EGR2: variants seen among roughly 807,000 people sequenced by gnomAD.
EGR2 encodes the protein early growth response 2.
Under a neutral mutation model 21.2 loss-of-function variants are expected in EGR2, and 2 were observed. The ratio of observed to expected loss-of-function variants is 0.09; its 90% CI spans 0.04 to 0.30. The LOEUF is 0.30. Among genes scored for constraint, EGR2 ranks in the 10% least tolerant of loss-of-function variants. The probability of loss-of-function intolerance (pLI) is 1.00; values close to 1 mark genes in which losing one functional copy is unlikely to be tolerated. For missense variants in EGR2, 458 were observed against 630.2 expected (o/e 0.73, Z 2.93); for synonymous variants, 282 against 258.2 (o/e 1.09, Z -0.88).
At chr10:62,816,415 G>C (rs1438045828), upstream of EGR2, 1 of 1,173,616 alleles carries the variant, frequency 8.5e-7, no homozygotes, top group Non-Finnish European at 1.1e-6. Flanking sequence ...TTCAATACCC[G>C]TGACGTCGCT....
In EGR2 at chr10:62,813,067, G is replaced by C. The variant is rs1247621885; in HGVS notation, c.*140C>G. 1 of 907,348 alleles carries C rather than the reference G, an allele frequency of 1.1e-6. No individual in the cohort carries two copies. Among genetic ancestry groups the C allele is most frequent in the Non-Finnish European group, 1.6e-6 (1 of 612,954 alleles). 56.2% of individuals were successfully genotyped at this position (907,348 alleles called of 1,614,324 possible). On this transcript the variant is annotated 3_prime_UTR_variant, in exon 2 of 2. Transcript: ENST00000242480. The surrounding 1 kb of genome is among the most constrained non-coding windows in gnomAD (Gnocchi z 5.7). Reference sequence around the variant, plus strand: ...GAACCTGCTTCTAGGTGGAAAGGGGGCAGTGCTAGCTCCACCAAAGCCCTT... The same window carrying C: ...GAACCTGCTTCTAGGTGGAAAGGGGCCAGTGCTAGCTCCACCAAAGCCCTT...
intron 1 of EGR2, among the ~76,000 whole-genome samples, chr10:62,815,177 T>C (rs1429729878): frequency 6.6e-6 from 1 of 152,214 alleles, no homozygotes; most frequent in Non-Finnish European, 1.5e-5. Flanking sequence ...AGAGACGACT[T>C]TCCACAGCAT....
upstream of EGR2, among the ~76,000 whole-genome samples, chr10:62,817,188 C>G (rs150395078): frequency 3.7e-3 from 565 of 152,276 alleles, 1 homozygote; most frequent in Middle Eastern, 0.021. The surrounding 1 kb of genome is among the most constrained non-coding windows in gnomAD (Gnocchi z 4.4). Flanking sequence ...CTCCCCGCCC[C>G]CCTTCAGCTG....
Position 62,812,862 on chromosome 10 carries a change from A to G in EGR2, c.*345T>C. 4.7e-6 allele frequency: 1 copy of G among 214,878 alleles called. No individual in the cohort carries two copies. Among genetic ancestry groups the G allele is most frequent in the Non-Finnish European group, 9.2e-6 (1 of 108,540 alleles). The allele number at this position is 214,878 out of a possible 1,614,324, so 13.3% of individuals were successfully genotyped here. On this transcript the variant is annotated 3_prime_UTR_variant, in exon 2 of 2. Transcript: ENST00000242480. ...TGACATCCAGGGTCAAAAACCTGTG[A>G]TGGGTCAAAATAAGGGGAAGTGGGG...
Position 62,813,317 on chromosome 10 carries a change from C to A in EGR2, c.1321G>T (p.Ala441Ser). ...PSASVPAPST[A>S]SCSGGVQPGG... ...GGCTGCACGCCCCCAGAGCAGGAGG[C>A]TGTAGAGGGGGCTGGCACCGATGCA... The change falls in exon 2 of 2, where the codon GCC becomes TCC. Residue 441 changes from alanine to serine, a missense_variant. This residue lies in a region of EGR2 where 69 missense variants were observed against 70.4 expected (regional missense o/e 0.98). Transcript: ENST00000242480. This position sits in a 1 kb window ranked among gnomAD's most constrained non-coding sequence, Gnocchi z 5.7. 1 of 1,583,468 alleles carries A rather than the reference C, an allele frequency of 6.3e-7. No individual in the cohort carries two copies. Among genetic ancestry groups the A allele is most frequent in the South Asian group, 1.2e-5 (1 of 85,334 alleles).
upstream of EGR2, chr10:62,816,430 A>G: frequency 8.8e-7 from 1 of 1,131,462 alleles, no homozygotes; most frequent in Non-Finnish European, 1.1e-6. Context: ...GTCGCTGCCC[A>G]TATATGGACT....
At position 62,813,159 on chromosome 10, in the gene EGR2, AG is replaced by A; in HGVS notation, c.*47del. The A allele has an allele frequency of 2.0e-6, 3 of 1,514,028 alleles. No homozygotes were observed. Among genetic ancestry groups the A allele is most frequent in the Non-Finnish European group, 2.6e-6 (3 of 1,138,488 alleles). The allele number at this position is 1,514,028 out of a possible 1,614,324, so 93.8% of individuals were successfully genotyped here. A position where few individuals can be genotyped will look rare whatever the true frequency, so the allele number is the denominator to read the frequency against. On this transcript the variant is annotated 3_prime_UTR_variant, in exon 2 of 2. Transcript: ENST00000242480. This position sits in a 1 kb window ranked among gnomAD's most constrained non-coding sequence, Gnocchi z 5.7. ...TTTGTTGTGCAGCTCCAGTGGACAA[AG>A]GGCCTCCGGGACCTTTGGGAGCTGG...
At position 62,813,187 on chromosome 10, in the gene EGR2, G is replaced by C; in HGVS notation, c.*20C>G. The C allele has an allele frequency of 6.5e-7, 1 of 1,546,212 alleles. No homozygotes were observed. Among genetic ancestry groups the C allele is most frequent in the East Asian group, 2.2e-5 (1 of 44,516 alleles). On this transcript the variant is annotated 3_prime_UTR_variant, in exon 2 of 2. Transcript: ENST00000242480. The surrounding 1 kb of genome is among the most constrained non-coding windows in gnomAD (Gnocchi z 5.7). ...GCCTCCGGGACCTTTGGGAGCTGGT[G>C]TATCAGCCTGAGTCTCATCTCAAGG...
In EGR2 at chr10:62,813,732, T is replaced by C. The variant is rs1842181717; in HGVS notation, c.906A>G (p.Ala302=). 1 of 1,611,472 alleles carries C rather than the reference T, an allele frequency of 6.2e-7. No individual in the cohort carries two copies. Among genetic ancestry groups the C allele is most frequent in the South Asian group, 1.1e-5 (1 of 91,054 alleles). ...PRLPGSSSAA[A]AAAAAAAYNP... is the part of the protein sequence containing the mutation. The stretch of plus-strand genomic sequence containing the variant: ...TATAGGCGGCGGCGGCGGCGGCTGC[T>C]GCTGCTGCTGAGCTGCTACCAGGCA... Residue 302 remains alanine (A), a synonymous_variant, in exon 2 of 2, where the codon GCA becomes GCG. Transcript: ENST00000242480. This position sits in a 1 kb window ranked among gnomAD's most constrained non-coding sequence, Gnocchi z 5.7.
intron 1 of EGR2, among the ~76,000 whole-genome samples, 180 bp downstream of exon 1, chr10:62,815,681 G>C (rs1175293735): frequency 6.6e-6 from 1 of 152,256 alleles, no homozygotes; most frequent in Admixed American, 6.5e-5. Flanking sequence ...ATCTGCCCGC[G>C]CGCCCTGGTC....
upstream of EGR2, among the ~76,000 whole-genome samples, chr10:62,817,565 C>T (rs1242993103): frequency 6.6e-6 from 1 of 152,060 alleles, no homozygotes; most frequent in Admixed American, 6.5e-5. The surrounding 1 kb of genome is among the most constrained non-coding windows in gnomAD (Gnocchi z 4.4). Context: ...CAGGACCGCG[C>T]CCTGCCCGCA....
At chr10:62,816,602 G>A (rs571086059), upstream of EGR2, among the ~76,000 whole-genome samples, 3 of 152,332 alleles carry the variant, frequency 2.0e-5, no homozygotes, top group Admixed American at 1.3e-4. Context: ...TGGGTCCGGG[G>A]CGCAGGGATC....
Position 62,816,069 on chromosome 10 carries a change from C to T in EGR2, c.-40G>A, listed in dbSNP as rs568521543. On this transcript the variant is annotated 5_prime_UTR_variant, in exon 1 of 2. Coordinates refer to ENST00000242480, the MANE Select transcript of EGR2 (RefSeq NM_000399.5). ...ACCTGGAGACCCAACTCCCTCGCTA[C>T]CTGGAGTGTCAGAAAAGCCGTTTTG... is the stretch of plus-strand genomic sequence containing the variant. 1 of 1,613,972 alleles carries T rather than the reference C, an allele frequency of 6.2e-7. No individual in the cohort carries two copies. Among genetic ancestry groups the T allele is most frequent in the South Asian group, 1.1e-5 (1 of 91,070 alleles).
chr10:62,816,547 G>T (rs1842275401), upstream of EGR2, among the ~76,000 whole-genome samples: 1 of 152,136 alleles, frequency 6.6e-6, no homozygotes, highest in Admixed American at 6.5e-5. Context: ...GCTCGCAGGC[G>T]GCGGGGATCG....
At chr10:62,818,596 G>A, upstream of EGR2, 2 of 1,277,482 alleles carry the variant, frequency 1.6e-6, no homozygotes, top group Non-Finnish European at 2.0e-6. Flanking sequence ...CCCCCGCGCT[G>A]ACCATGGGCA....
chr10:62,818,696 C>T, upstream of EGR2: 1 of 1,046,628 alleles, frequency 9.6e-7, no homozygotes, highest in Non-Finnish European at 1.2e-6. Context: ...ATGCGGATCC[C>T]TGCGATGGGG....
rs1266138705 is a variant in EGR2 at position 62,816,256 on chromosome 10, C to T, written c.-227G>A. The T allele has an allele frequency of 7.1e-7, 1 of 1,400,914 alleles. No homozygotes were observed. The highest frequency in any genetic ancestry group is 9.3e-7 in the Non-Finnish European group (1 of 1,076,384). 86.8% of individuals were successfully genotyped at this position (1,400,914 alleles called of 1,614,324 possible). ...AAAATGTCTATTTGCCACTGACTCT[C>T]TCCTGTCTGTGTTCCGGCTGCTGGG... On this transcript the variant is annotated 5_prime_UTR_variant, in exon 1 of 2. Transcript: ENST00000242480.
In EGR2 at chr10:62,813,712, G is replaced by A; in HGVS notation, c.926C>T (p.Ala309Val). The change falls in exon 2 of 2, where the codon GCC (alanine) becomes GTC (valine). Residue 309 changes from alanine (A) to valine (V), a missense_variant. Physicochemically the swap from Ala to Val is moderately conservative, Grantham distance 64. This residue lies in a region of EGR2 where 253 missense variants were observed against 315.5 expected (regional missense o/e 0.80). Coordinates refer to ENST00000242480, the MANE Select transcript of EGR2 (RefSeq NM_000399.5). The surrounding 1 kb of genome is among the most constrained non-coding windows in gnomAD (Gnocchi z 5.7). ...CAGTGGCAGGTGGTGTGGGTTATAG[G>A]CGGCGGCGGCGGCGGCTGCTGCTGC... ...SAAAAAAAAA[A>V]YNPHHLPLRP... 1 of 1,608,222 alleles carries A rather than the reference G, an allele frequency of 6.2e-7. No homozygotes were observed. The highest frequency in any genetic ancestry group is 8.5e-7 in the Non-Finnish European group (1 of 1,178,386).
At chr10:62,816,507 G>C (rs1842274265), upstream of EGR2, 2 of 443,768 alleles carry the variant, frequency 4.5e-6, no homozygotes, top group Admixed American at 1.1e-4. Context: ...GGGCTCGGCC[G>C]CGCGGACTCC....
Sources: allele counts gnomAD v4.1 joint callset (sites outside exome capture counted in the v4.1 genomes callset), GRCh38; gene constraint gnomAD v4.1.1; regional missense constraint gnomAD v4.1.1; non-coding constraint Gnocchi (gnomAD v3.1); transcripts MANE v1.5; gene names NCBI Gene and HGNC (gene_info 2026-07-23, HGNC 2026-07-21).